TRPC1: variants seen among roughly 807,000 people sequenced by gnomAD.
TRPC1 encodes short transient receptor potential channel 1.
A neutral mutation model predicts 88.2 loss-of-function variants in TRPC1; 42 were observed. The observed-to-expected ratio is 0.48, with a 90% CI of 0.37 to 0.62. The LOEUF is 0.62. Ranked by LOEUF, TRPC1 falls within the 20% of genes least tolerant of loss-of-function variation. TRPC1 has a pLI of 0.00. For missense variants in TRPC1, 699 were observed against 957.3 expected (o/e 0.73, Z 3.56); for synonymous variants, 288 against 331.8 (o/e 0.87, Z 1.43).
chr3:142,789,801 T>A (rs1936243220), intron 7 of TRPC1, among the ~76,000 whole-genome samples: 1 of 152,254 alleles, frequency 6.6e-6, no homozygotes, highest in Non-Finnish European at 1.5e-5. Flanking sequence ...TTGCTTTGGT[T>A]TTTATTTTTG....
Position 142,791,008 on chromosome 3 carries a change from C to A in TRPC1, c.1298-11C>A. 1 of 1,534,030 alleles carries A rather than the reference C, an allele frequency of 6.5e-7. No individual in the cohort carries two copies. The highest frequency in any genetic ancestry group is 8.7e-7 in the Non-Finnish European group (1 of 1,146,332). The stretch of plus-strand genomic sequence containing the variant: ...GAAAGTGTTATCTGATTTTTTTCTT[C>A]CTTTTCTCAGGGATGATTTGGTCAG... On this transcript the variant is annotated splice_polypyrimidine_tract_variant and intron_variant, in intron 7 of 12. Transcript: ENST00000476941.
chr3:142,803,930 T>G lies in TRPC1; in HGVS notation c.1758-47T>G, dbSNP rs371481232. The G allele has an allele frequency of 1.9e-5, 29 of 1,560,694 alleles. No homozygotes were observed. In the African/African-American group the frequency reaches 3.1e-4, roughly 17 times the overall value. ...ATATAAACAAATGATTCATTTTTGC[T>G]AATTTCTTTAATTGCCTTTTAAACA... On this transcript the variant is annotated intron_variant, in intron 10 of 12. Transcript: ENST00000476941.
At chr3:142,804,740 C>A (rs1308402668) in intron 12 of TRPC1, 110 bp downstream of exon 12, 7 of 889,172 alleles carry the variant, frequency 7.9e-6, no homozygotes, top group Non-Finnish European at 1.2e-5. Context: ...GACTGTCTGA[C>A]TTTTTTTCAC....
chr3:142,797,530 G>A (rs1278522037), intron 9 of TRPC1, among the ~76,000 whole-genome samples: 2 of 152,088 alleles, frequency 1.3e-5, no homozygotes, highest in Non-Finnish European at 2.9e-5. Context: ...GAAAGAGCTT[G>A]TATCTAACTG....
At chr3:142,765,944 A>G (rs1161430364) in intron 4 of TRPC1, among the ~76,000 whole-genome samples, 1 of 152,186 alleles carries the variant, frequency 6.6e-6, no homozygotes, top group Non-Finnish European at 1.5e-5. Flanking sequence ...AGCATATGAA[A>G]AAAAGGCTCA....
rs770767843 is a variant in TRPC1 at position 142,736,363 on chromosome 3, G to A, written c.173-16G>A. The A allele has an allele frequency of 1.3e-6, 2 of 1,554,396 alleles. No individual in the cohort carries two copies. The highest frequency in any genetic ancestry group is 2.0e-5 in the Admixed American group (1 of 50,750). Reference sequence around the variant, plus strand: ...ATGTCACGGATATTAAATTATGTTTGTATATTGTTATTTAGGTGACTATTA... The same window carrying A: ...ATGTCACGGATATTAAATTATGTTTATATATTGTTATTTAGGTGACTATTA... On this transcript the variant is annotated splice_polypyrimidine_tract_variant and intron_variant, in intron 1 of 12. Coordinates refer to ENST00000476941, the MANE Select transcript of TRPC1 (RefSeq NM_001251845.2).
At chr3:142,757,282 CTTTT>C (rs200705293) in intron 4 of TRPC1, among the ~76,000 whole-genome samples, 1 of 151,352 alleles carries the variant, frequency 6.6e-6, no homozygotes, top group East Asian at 1.9e-4. Flanking sequence ...TATGGTAGTT[CTTTT>C]TTTTAAAAAA....
intron 3 of TRPC1, among the ~76,000 whole-genome samples, chr3:142,745,006 A>C (rs1934491088): frequency 6.6e-6 from 1 of 152,200 alleles, no homozygotes; most frequent in Non-Finnish European, 1.5e-5. Flanking sequence ...GGCTCTGCTA[A>C]ATTGCATACT....
chr3:142,777,169 G>A (rs1245451715), intron 4 of TRPC1, among the ~76,000 whole-genome samples: 1 of 152,026 alleles, frequency 6.6e-6, no homozygotes, highest in Non-Finnish European at 1.5e-5. Context: ...AAATTAGCCT[G>A]GTGTAGTGGC....
rs56246347 is a variant in TRPC1, at chr3:142,748,468, C to T, written c.632+8C>T. On this transcript the variant is annotated splice_region_variant and intron_variant, in intron 4 of 12. Transcript: ENST00000476941. ...TAGCCTCCGGCATTCCAGGTTAGAA[C>T]ATTAAACTTTTGATAAATAGATGTG... 216,083 of 1,612,426 alleles carry T rather than the reference C, an allele frequency of 0.13. 15,422 individuals are homozygous for T. The highest frequency in any genetic ancestry group is 0.15 in the Non-Finnish European group (172,992 of 1,178,566).
chr3:142,765,186 T>G lies in TRPC1; in HGVS notation c.633-12446T>G, dbSNP rs562957710. 3.9e-5 allele frequency among the ~76,000 whole-genome samples: 6 copies of G among 152,078 alleles called. No homozygotes were observed. In the South Asian group the frequency reaches 1.2e-3, roughly 32 times the overall value. ...GAAAATCAGAGACAATACAAACAAATGGAGAAACAGTCCATGCTCATGGAT... is the reference window on the plus strand; with the variant it reads ...GAAAATCAGAGACAATACAAACAAAGGGAGAAACAGTCCATGCTCATGGAT... On this transcript the variant is annotated intron_variant, in intron 4 of 12. Coordinates refer to ENST00000476941, the MANE Select transcript of TRPC1 (RefSeq NM_001251845.2).
Position 142,724,953 on chromosome 3 carries a change from C to T in TRPC1, c.172+222C>T, listed in dbSNP as rs574859203. 5.9e-5 allele frequency among the ~76,000 whole-genome samples: 9 copies of T among 152,300 alleles called. No homozygotes were observed. Among genetic ancestry groups the T allele is most frequent in the South Asian group, 4.1e-4 (2 of 4,826 alleles). On this transcript the variant is annotated intron_variant, in intron 1 of 12. Transcript: ENST00000476941. This position sits in a 1 kb window ranked among gnomAD's most constrained non-coding sequence, Gnocchi z 5.6. ...GGGCTGCGCCCTCGGAGCGCTGCAC[C>T]GTCGGGGGTGGCTCTGGCCTTGGGG...
Position 142,806,118 on chromosome 3 carries a change from G to A in TRPC1, c.2265G>A (p.Gln755=). 1.9e-6 allele frequency: 3 copies of A among 1,613,888 alleles called. No individual in the cohort carries two copies. Among genetic ancestry groups the A allele is most frequent in the Non-Finnish European group, 2.5e-6 (3 of 1,179,882 alleles). ...SMRQKMQSTD[Q]ATVENLNELR... is the part of the protein sequence containing the mutation. ...GACAGAAGATGCAAAGTACAGATCA[G>A]GCAACTGTGGAAAATCTAAACGAAC... Residue 755 remains glutamine, a synonymous_variant, in exon 13 of 13, where the codon CAG becomes CAA. Transcript: ENST00000476941.
intron 4 of TRPC1, among the ~76,000 whole-genome samples, chr3:142,772,622 T>C (rs1461254378): frequency 6.6e-6 from 1 of 151,892 alleles, no homozygotes; most frequent in African/African-American, 2.4e-5. Flanking sequence ...ATGGTGAAAC[T>C]AAAAATACAA....
Position 142,791,106 on chromosome 3 carries a change from T to C in TRPC1, c.1385T>C (p.Met462Thr). The C allele has an allele frequency of 6.2e-7, 1 of 1,610,284 alleles. No individual in the cohort carries two copies. The highest frequency in any genetic ancestry group is 8.5e-7 in the Non-Finnish European group (1 of 1,178,398). Residue 462 changes from methionine to threonine, a missense_variant, in exon 8 of 13, where the codon ATG becomes ACG. This residue lies in a region of TRPC1 where 426 missense variants were observed against 641.3 expected (regional missense o/e 0.66). Coordinates refer to ENST00000476941, the MANE Select transcript of TRPC1 (RefSeq NM_001251845.2). Reference sequence around the variant, plus strand: ...TCTCGTAATCAACTCAGTTTTGTCATGAATTCTCTTTATTTGGCAACCTTT... The same window carrying C: ...TCTCGTAATCAACTCAGTTTTGTCACGAATTCTCTTTATTTGGCAACCTTT... ...EESRNQLSFV[M>T]NSLYLATFAL...
chr3:142,739,671 G>T (rs777555470), intron 2 of TRPC1, among the ~76,000 whole-genome samples: 1 of 152,182 alleles, frequency 6.6e-6, no homozygotes, highest in Non-Finnish European at 1.5e-5. Context: ...TGATTTTCGA[G>T]AAAGGATGTG....
rs529793760 is a variant in TRPC1 at position 142,725,973 on chromosome 3, A to G, written c.172+1242A>G. 2.0e-5 allele frequency among the ~76,000 whole-genome samples: 3 copies of G among 152,294 alleles called. No individual in the cohort carries two copies. The East Asian group carries it at 5.8e-4, about 29-fold the overall frequency. On this transcript the variant is annotated intron_variant, in intron 1 of 12. Coordinates refer to ENST00000476941, the MANE Select transcript of TRPC1 (RefSeq NM_001251845.2). ...ATAATATTATGAAAGCAATATTAATAATATTGTTAAAGTACACCATGGACA... is the reference window on the plus strand; with the variant it reads ...ATAATATTATGAAAGCAATATTAATGATATTGTTAAAGTACACCATGGACA...
chr3:142,737,217 C>CTTT (rs200417176), intron 2 of TRPC1, among the ~76,000 whole-genome samples: 1 of 142,322 alleles, frequency 7.0e-6, no homozygotes, highest in Non-Finnish European at 1.5e-5. Flanking sequence ...AATTCTACCT[C>CTTT]TTTTTTTTTT....
intron 1 of TRPC1, among the ~76,000 whole-genome samples, chr3:142,728,011 T>C (rs1933752308): frequency 6.6e-6 from 1 of 151,832 alleles, no homozygotes; most frequent in Admixed American, 6.6e-5. Context: ...GAGTAGATGG[T>C]AGCTTTTAGT....
Sources: gnomAD v4.1 joint callset for allele counts (sites outside exome capture counted in the v4.1 genomes callset) on GRCh38, gnomAD v4.1.1 for gene constraint, gnomAD v4.1.1 regional missense constraint, Gnocchi (gnomAD v3.1) non-coding constraint, MANE v1.5 for transcripts, NCBI Gene and HGNC (gene_info 2026-07-23, HGNC 2026-07-21) for gene names.